Variants in ZNF860 observed in about 807,000 individuals in gnomAD.
The protein encoded by ZNF860 is zinc finger protein 860.
For synonymous variants in ZNF860, 206 were observed against 248.9 expected, an observed-to-expected ratio of 0.83 and a Z score of 1.62; for missense variants, 641 against 759.2, an observed-to-expected ratio of 0.84 and a Z score of 1.83.
At chr3:31,993,811 C>T (rs139190131), downstream of ZNF860, among the ~76,000 whole-genome samples, 1,563 of 152,134 alleles carry the variant, frequency 0.01, 33 homozygotes, top group African/African-American at 0.035. Flanking sequence ...AACAGTTTGA[C>T]AGTGTCTTTT....
rs763022831 is a variant in ZNF860, at chr3:31,989,862, T to C, written c.783T>C (p.Asp261=). ...TAGGAGGGAAACAATATAAATGTGA[T>C]GTATGTGGCAAGGTCTTTAATCAGA... The part of the protein sequence containing the change: ...IYLGGKQYKC[D]VCGKVFNQKR... Residue 261 remains aspartate (D), a synonymous_variant, in exon 2 of 2, where the codon GAT becomes GAC. Coordinates refer to ENST00000360311, the MANE Select transcript of ZNF860 (RefSeq NM_001137674.3). 2.5e-6 allele frequency: 4 copies of C among 1,614,188 alleles called. No individual in the cohort carries two copies. The South Asian group carries it at 4.4e-5, about 18-fold the overall frequency.
At chr3:31,984,468 C>A (rs12630667) in intron 1 of ZNF860, among the ~76,000 whole-genome samples, 65,457 of 151,668 alleles carry the variant, frequency 0.43, 17,488 homozygotes, top group East Asian at 0.76. Context: ...GAGTCAGTTC[C>A]TGAGTAAGGG....
At chr3:32,000,197 C>T in the ZNF860 span, among the ~76,000 whole-genome samples, 1 of 152,154 alleles carries the variant, frequency 6.6e-6, no homozygotes, top group East Asian at 1.9e-4. Context: ...GTATAAAGCC[C>T]TGCTCTCGCC....
chr3:31,995,935 C>T (rs1431480039), downstream of ZNF860, among the ~76,000 whole-genome samples: 1 of 152,226 alleles, frequency 6.6e-6, no homozygotes, highest in Admixed American at 6.5e-5. Flanking sequence ...TGATTTGCCA[C>T]CTGACAAAAT....
the ZNF860 span, among the ~76,000 whole-genome samples, chr3:32,001,923 G>T: frequency 6.6e-6 from 1 of 152,160 alleles, no homozygotes; most frequent in East Asian, 1.9e-4. Context: ...CTGAAGAAGA[G>T]AGATTATTAT....
chr3:31,991,783 G>A (rs911825617), downstream of ZNF860, among the ~76,000 whole-genome samples: 1 of 151,728 alleles, frequency 6.6e-6, no homozygotes, highest in African/African-American at 2.4e-5. Flanking sequence ...TTATGTTTTG[G>A]GATCTTTCTC....
chr3:31,999,521 C>G, the ZNF860 span, among the ~76,000 whole-genome samples: 1 of 152,034 alleles, frequency 6.6e-6, no homozygotes, highest in East Asian at 1.9e-4. Context: ...CAACCACGCC[C>G]ACCTAATTTT....
In ZNF860 at chr3:31,989,666, C is replaced by T. The variant is rs750707145; in HGVS notation, c.587C>T (p.Ser196Phe). The T allele has an allele frequency of 1.9e-6, 3 of 1,614,082 alleles. No individual in the cohort carries two copies. The East Asian group carries it at 6.7e-5, about 36-fold the overall frequency. ...ASSVLTSQRISSRPKIHISNN... is the reference protein window; with the variant it reads ...ASSVLTSQRIFSRPKIHISNN... Reference sequence around the variant, plus strand: ...TCAGTTCTAACGTCCCAAAGAATTTCTTCTAGGCCCAAAATCCATATTTCT... The same window carrying T: ...TCAGTTCTAACGTCCCAAAGAATTTTTTCTAGGCCCAAAATCCATATTTCT... The change falls in exon 2 of 2, where the codon TCT becomes TTT. Residue 196 changes from serine to phenylalanine, a missense_variant. Coordinates refer to ENST00000360311, the MANE Select transcript of ZNF860 (RefSeq NM_001137674.3).
the ZNF860 span, among the ~76,000 whole-genome samples, chr3:32,000,574 C>A: frequency 6.6e-6 from 1 of 152,230 alleles, no homozygotes; most frequent in Non-Finnish European, 1.5e-5. Flanking sequence ...ACTCTAAAAG[C>A]ATTTCTATAA....
At chr3:32,000,823 T>A in the ZNF860 span, among the ~76,000 whole-genome samples, 1 of 152,198 alleles carries the variant, frequency 6.6e-6, no homozygotes, top group Non-Finnish European at 1.5e-5. Flanking sequence ...GCCATGCGGT[T>A]CACATGGGAA....
rs781507831 is a variant in ZNF860, at chr3:31,990,248, C to T, written c.1169C>T (p.Ala390Val). 12 of 1,613,892 alleles carry T rather than the reference C, an allele frequency of 7.4e-6. No homozygotes were observed. The African/African-American group carries it at 1.6e-4, about 22-fold the overall frequency. ...CAGTCAACACTTATTCACCATCAAG[C>T]AATCCATGGTATAGGGAAACTTTAT... is the stretch of plus-strand genomic sequence containing the variant. The part of the protein sequence containing the change: ...SGQSTLIHHQ[A>V]IHGIGKLYKC... Residue 390 changes from alanine (A) to valine (V), a missense_variant, in exon 2 of 2, where the codon GCA (alanine) becomes GTA (valine). Coordinates refer to ENST00000360311, the MANE Select transcript of ZNF860 (RefSeq NM_001137674.3).
chr3:31,992,537 C>T (rs1699045429), downstream of ZNF860, among the ~76,000 whole-genome samples: 1 of 152,020 alleles, frequency 6.6e-6, no homozygotes, highest in Admixed American at 6.6e-5. Context: ...GGTTTTTGGC[C>T]CCTTTCAGCA....
downstream of ZNF860, among the ~76,000 whole-genome samples, chr3:31,996,566 T>A (rs970611656): frequency 6.6e-6 from 1 of 152,146 alleles, no homozygotes; most frequent in Non-Finnish European, 1.5e-5. Flanking sequence ...TTTCCCAAAG[T>A]TTAAAAAGAG....
rs1395518227 is a variant in ZNF860 at position 31,989,431 on chromosome 3, G to A, written c.352G>A (p.Glu118Lys). Reference sequence around the variant, plus strand: ...TCATGACTTTGAGTTTCAATGGCAAGAAGACAAAAGAAATAGCCATGAAGC... The same window carrying A: ...TCATGACTTTGAGTTTCAATGGCAAAAAGACAAAAGAAATAGCCATGAAGC... ...DIHDFEFQWQ[E>K]DKRNSHEATM... Residue 118 changes from glutamate to lysine, a missense_variant, in exon 2 of 2, where the codon GAA becomes AAA. Transcript: ENST00000360311. 3.1e-6 allele frequency: 5 copies of A among 1,614,194 alleles called. No individual in the cohort carries two copies. The South Asian group carries it at 5.5e-5, about 18-fold the overall frequency.
chr3:32,003,892 G>C, the ZNF860 span, among the ~76,000 whole-genome samples: 1 of 152,122 alleles, frequency 6.6e-6, no homozygotes, highest in African/African-American at 2.4e-5. Context: ...TCTAGAACAC[G>C]GGCTAATACT....
At position 31,989,155 on chromosome 3, in the gene ZNF860, T is replaced by G. The variant is rs1431301944; in HGVS notation, c.76T>G (p.Phe26Val). ...GMALPQGHLT[F>V]RDVAIEFSLE... ...GGCTCTTCCTCAGGGACACTTGACT[T>G]TTAGGGATGTGGCTATAGAATTCTC... Residue 26 changes from phenylalanine to valine, a missense_variant, in exon 2 of 2, where the codon TTT (phenylalanine) becomes GTT (valine). Physicochemically the swap from Phe to Val is conservative, Grantham distance 50. Transcript: ENST00000360311. The G allele has an allele frequency of 6.2e-7, 1 of 1,613,990 alleles. No homozygotes were observed. Among genetic ancestry groups the G allele is most frequent in the Non-Finnish European group, 8.5e-7 (1 of 1,180,020 alleles).
the ZNF860 span, among the ~76,000 whole-genome samples, chr3:32,005,415 T>C: frequency 6.7e-6 from 1 of 149,334 alleles, no homozygotes; most frequent in South Asian, 2.1e-4. Flanking sequence ...GAGATTAACG[T>C]AGCATCTGTA....
the ZNF860 span, among the ~76,000 whole-genome samples, chr3:32,002,890 CTT>C: frequency 3.3e-5 from 5 of 150,156 alleles, no homozygotes; most frequent in African/African-American, 1.2e-4. Context: ...CTAATTTTTA[CTT>C]TCTCTTGTCT....
Position 31,990,053 on chromosome 3 carries a change from G to T in ZNF860, c.974G>T (p.Arg325Leu). 3 of 1,613,878 alleles carry T rather than the reference G, an allele frequency of 1.9e-6. No homozygotes were observed. The highest frequency in any genetic ancestry group is 1.7e-6 in the Non-Finnish European group (2 of 1,179,918). ...GAAGAATGTGACAAAGTTTTTAGTC[G>T]CAAATCAAATCTTGAAAGACATAGG... ...KCEECDKVFS[R>L]KSNLERHRRI... Residue 325 changes from arginine (R) to leucine (L), a missense_variant, in exon 2 of 2, where the codon CGC becomes CTC. By Grantham distance (102) the Arg-to-Leu change is moderately radical. Coordinates refer to ENST00000360311, the MANE Select transcript of ZNF860 (RefSeq NM_001137674.3).
Sources: allele counts gnomAD v4.1 joint callset (sites outside exome capture counted in the v4.1 genomes callset), GRCh38; gene constraint gnomAD v4.1.1; transcripts MANE v1.5; gene names NCBI Gene and HGNC (gene_info 2026-07-23, HGNC 2026-07-21).